The following MAGI2 variants were observed in gnomAD, a reference collection of about 807,000 sequenced individuals.
The protein encoded by MAGI2 is membrane-associated guanylate kinase, WW and PDZ domain-containing protein 2.
MAGI2 carries 35 observed loss-of-function variants against 133.3 expected under a neutral mutation model. The observed-to-expected ratio is 0.26, with a 90% confidence interval of 0.20 to 0.35. MAGI2 has a LOEUF of 0.35. Among genes scored for constraint, MAGI2 ranks in the 10% least tolerant of loss-of-function variants. The pLI, the probability that MAGI2 is intolerant of heterozygous loss-of-function variation, is 1.00. For synonymous variants in MAGI2, 729 were observed against 710.6 expected, an observed-to-expected ratio of 1.03 and a Z score of -0.41; for missense variants, 1,636 against 1,863.4, an observed-to-expected ratio of 0.88 and a Z score of 2.25.
At chr7:78,534,531 A>T (rs558562280) in intron 3 of MAGI2, among the ~76,000 whole-genome samples, 83 of 152,342 alleles carry the variant, frequency 5.4e-4, no homozygotes, top group African/African-American at 1.9e-3. Context: ...TAAAATTAGC[A>T]ACATTTCTGC....
At chr7:78,084,835 T>C (rs1368052641) in intron 20 of MAGI2, among the ~76,000 whole-genome samples, 1 of 152,260 alleles carries the variant, frequency 6.6e-6, no homozygotes, top group African/African-American at 2.4e-5. Flanking sequence ...GATTTCCAAC[T>C]TGATGGTGAT....
chr7:78,104,557 C>T (rs1371282921), intron 20 of MAGI2, among the ~76,000 whole-genome samples: 2 of 152,026 alleles, frequency 1.3e-5, no homozygotes, highest in African/African-American at 4.8e-5. Context: ...CAGCCTAGTC[C>T]CATGCCATTT....
chr7:78,268,524 A>G (rs1396580819), intron 9 of MAGI2, among the ~76,000 whole-genome samples: 1 of 152,148 alleles, frequency 6.6e-6, no homozygotes, highest in Admixed American at 6.6e-5. Flanking sequence ...CATTACATAG[A>G]AGAGGCAATT....
intron 1 of MAGI2, among the ~76,000 whole-genome samples, chr7:79,402,082 T>A (rs1364206619): frequency 6.6e-6 from 1 of 152,152 alleles, no homozygotes; most frequent in Non-Finnish European, 1.5e-5. Context: ...TACAAAACTC[T>A]GACATACTTT....
chr7:78,454,138 C>A (rs1024801142), intron 6 of MAGI2, among the ~76,000 whole-genome samples: 1 of 152,086 alleles, frequency 6.6e-6, no homozygotes, highest in Non-Finnish European at 1.5e-5. Context: ...CTACATATAC[C>A]CTGACTAACA....
chr7:78,185,885 A>T (rs1827649145), intron 12 of MAGI2, among the ~76,000 whole-genome samples: 1 of 152,206 alleles, frequency 6.6e-6, no homozygotes, highest in Non-Finnish European at 1.5e-5. Context: ...ACATGCATCC[A>T]AAATAGAAAA....
intron 2 of MAGI2, among the ~76,000 whole-genome samples, chr7:78,979,961 T>G (rs544543654): frequency 5.2e-4 from 79 of 151,910 alleles, no homozygotes; most frequent in Non-Finnish European, 8.8e-4. Flanking sequence ...GTATTTTGTA[T>G]CCAGATTCTC....
intron 12 of MAGI2, among the ~76,000 whole-genome samples, chr7:78,189,682 G>C (rs1382177138): frequency 2.6e-5 from 4 of 152,202 alleles, no homozygotes; most frequent in African/African-American, 9.6e-5. Context: ...AGAACCCTGA[G>C]GGAAGAGTTT....
chr7:78,416,755 C>T (rs1459790752), intron 6 of MAGI2, among the ~76,000 whole-genome samples: 2 of 152,080 alleles, frequency 1.3e-5, no homozygotes, highest in Non-Finnish European at 2.9e-5. Context: ...ATAAAAGAGG[C>T]TTTGTAGAGC....
At chr7:78,760,983 A>T (rs1824451942) in intron 2 of MAGI2, among the ~76,000 whole-genome samples, 1 of 152,222 alleles carries the variant, frequency 6.6e-6, no homozygotes, top group Admixed American at 6.5e-5. Flanking sequence ...GCTATAGGAG[A>T]TAATTTCTCA....
At chr7:78,106,165 C>T (rs1818669209) in intron 20 of MAGI2, among the ~76,000 whole-genome samples, 1 of 152,102 alleles carries the variant, frequency 6.6e-6, no homozygotes, top group Non-Finnish European at 1.5e-5. Flanking sequence ...TCCTCCAGTT[C>T]CATTCATGTT....
chr7:78,655,070 C>T (rs371626657), intron 2 of MAGI2, among the ~76,000 whole-genome samples: 20 of 151,000 alleles, frequency 1.3e-4, no homozygotes, highest in Admixed American at 2.0e-4. Context: ...ATCGCATGCC[C>T]GTAACAAAAT....
At chr7:78,751,673 A>G (rs1290493682) in intron 2 of MAGI2, among the ~76,000 whole-genome samples, 2 of 152,254 alleles carry the variant, frequency 1.3e-5, no homozygotes, top group Admixed American at 1.3e-4. Flanking sequence ...ATGGTGAAGT[A>G]ATTCACAACA....
intron 9 of MAGI2, among the ~76,000 whole-genome samples, chr7:78,272,617 G>A (rs1218982154): frequency 6.6e-6 from 1 of 152,022 alleles, no homozygotes; most frequent in Non-Finnish European, 1.5e-5. Context: ...TATGAATCTG[G>A]GTGCTCCTGT....
intron 3 of MAGI2, among the ~76,000 whole-genome samples, chr7:78,541,393 A>G (rs1212000688): frequency 6.6e-6 from 1 of 152,196 alleles, no homozygotes; most frequent in South Asian, 2.1e-4. Context: ...AAAAGGAGCC[A>G]TTTATCATTA....
chr7:78,202,918 A>G (rs569416955), intron 10 of MAGI2, among the ~76,000 whole-genome samples: 1 of 152,284 alleles, frequency 6.6e-6, no homozygotes, highest in East Asian at 1.9e-4. Flanking sequence ...CTTTTTGGAA[A>G]GAGTTGACAG....
chr7:78,464,018 G>A (rs1384399979), intron 6 of MAGI2, among the ~76,000 whole-genome samples: 1 of 152,100 alleles, frequency 6.6e-6, no homozygotes, highest in Non-Finnish European at 1.5e-5. Context: ...TTGTTGCAAA[G>A]GTTGTAAGAG....
chr7:79,308,813 C>G (rs180867714), intron 1 of MAGI2, among the ~76,000 whole-genome samples: 74 of 152,210 alleles, frequency 4.9e-4, no homozygotes, highest in Admixed American at 1.4e-3. Context: ...ATAATCATTT[C>G]TTTTCTTAAG....
intron 1 of MAGI2, among the ~76,000 whole-genome samples, chr7:79,368,833 G>A (rs1204652762): frequency 1.6e-5 from 2 of 127,694 alleles, no homozygotes; most frequent in African/African-American, 3.0e-5. Context: ...GGGCGACAGA[G>A]CGAGACTCCG....
Sources: gnomAD v4.1 joint callset for allele counts (sites outside exome capture counted in the v4.1 genomes callset) on GRCh38, gnomAD v4.1.1 for gene constraint, MANE v1.5 for transcripts, NCBI Gene and HGNC (gene_info 2026-07-23, HGNC 2026-07-21) for gene names.